The following SLC22A4 variants were observed in gnomAD, a reference collection of about 807,000 sequenced individuals.
SLC22A4 encodes the protein solute carrier family 22 member 4, also known as ET transporter.
SLC22A4 carries 39 observed loss-of-function variants against 56.6 expected under a neutral mutation model. That is an observed-to-expected ratio of 0.69 (90% CI 0.53 to 0.90). SLC22A4 has a LOEUF of 0.90. Among genes scored for constraint, SLC22A4 ranks in the 40% least tolerant of loss-of-function variants. The pLI, the probability that SLC22A4 is intolerant of heterozygous loss-of-function variation, is 0.00. For synonymous variants in SLC22A4, 241 were observed against 281.4 expected (o/e 0.86, Z 1.44); for missense variants, 594 against 696.5 (o/e 0.85, Z 1.66).
rs1478637647 is a variant in SLC22A4 at position 132,331,739 on chromosome 5, CATT to C, written c.952-13_952-11del. On this transcript the variant is annotated splice_polypyrimidine_tract_variant and intron_variant, in intron 5 of 9. Transcript: ENST00000200652. ...TACCTCTTAATCTCATGGTTATTTG[CATT>C]ATTTTGGTTACAGGAGCTAAATCCC... is the stretch of plus-strand genomic sequence containing the variant. 1.8e-5 allele frequency: 28 copies of C among 1,564,306 alleles called. No individual in the cohort carries two copies. The highest frequency in any genetic ancestry group is 2.2e-5 in the Non-Finnish European group (25 of 1,134,708).
chr5:132,337,286 T>A (rs1751054153), intron 8 of SLC22A4, among the ~76,000 whole-genome samples: 1 of 149,252 alleles, frequency 6.7e-6, no homozygotes, highest in Non-Finnish European at 1.5e-5. Flanking sequence ...TTTTTTTTTT[T>A]TTTTTTCTGA....
chr5:132,339,501 C>CACA (rs1554084162), intron 8 of SLC22A4, among the ~76,000 whole-genome samples: 4 of 151,902 alleles, frequency 2.6e-5, no homozygotes, highest in Admixed American at 6.6e-5. Context: ...CACACACACA[C>CACA]ACCTGAAAAC....
chr5:132,316,648 A>G (rs903745597), intron 3 of SLC22A4, among the ~76,000 whole-genome samples: 1 of 152,212 alleles, frequency 6.6e-6, no homozygotes, highest in Non-Finnish European at 1.5e-5. Context: ...GGGCATGCTG[A>G]ACCATTTAAA....
Position 132,295,055 on chromosome 5 carries a change from C to T in SLC22A4, c.393+46C>T, listed in dbSNP as rs780155506. The T allele has an allele frequency of 5.7e-6, 9 of 1,571,472 alleles. No individual in the cohort carries two copies. The Admixed American group carries it at 1.1e-4, about 19-fold the overall frequency. ...GTTGACCCGGGAGTGCCTGACCCTC[C>T]CTCTGCGTCAGCCCCCCTTGAGACT... is the stretch of plus-strand genomic sequence containing the variant. On this transcript the variant is annotated intron_variant, in intron 1 of 9. Coordinates refer to ENST00000200652, the MANE Select transcript of SLC22A4 (RefSeq NM_003059.3).
chr5:132,299,510 A>G (rs537154597), intron 1 of SLC22A4, among the ~76,000 whole-genome samples: 2 of 151,736 alleles, frequency 1.3e-5, no homozygotes, highest in African/African-American at 4.8e-5. Flanking sequence ...GCTCACTGCA[A>G]CCTCTGCCTC....
At chr5:132,308,566 CTG>C (rs1401984891) in intron 1 of SLC22A4, among the ~76,000 whole-genome samples, 3 of 152,102 alleles carry the variant, frequency 2.0e-5, no homozygotes, top group South Asian at 4.2e-4. Flanking sequence ...CACACTGTTA[CTG>C]TCTTTCCCAT....
At chr5:132,305,580 A>C (rs1750008026) in intron 1 of SLC22A4, among the ~76,000 whole-genome samples, 1 of 152,216 alleles carries the variant, frequency 6.6e-6, no homozygotes, top group African/African-American at 2.4e-5. Context: ...AGAGAACTCC[A>C]ATAAGATCAA....
At chr5:132,328,285 TA>T (rs1298758469) in intron 5 of SLC22A4, among the ~76,000 whole-genome samples, 2 of 152,040 alleles carry the variant, frequency 1.3e-5, no homozygotes, top group Admixed American at 1.3e-4. Context: ...TCAGGACACC[TA>T]AAAAAGACTG....
In SLC22A4 at chr5:132,338,672, C is replaced by T. The variant is rs182007228; in HGVS notation, c.1445-1893C>T. On this transcript the variant is annotated intron_variant, in intron 8 of 9. Coordinates refer to ENST00000200652, the MANE Select transcript of SLC22A4 (RefSeq NM_003059.3). ...TTCCTTGCTGAGAAAAAGAATTCAGCGATATTTCTCCCATTTACTTTTGAA... is the reference window on the plus strand; with the variant it reads ...TTCCTTGCTGAGAAAAAGAATTCAGTGATATTTCTCCCATTTACTTTTGAA... 3.4e-3 allele frequency among the ~76,000 whole-genome samples: 517 copies of T among 152,232 alleles called. 4 individuals are homozygous for T. Among genetic ancestry groups the T allele is most frequent in the African/African-American group, 0.012 (485 of 41,550 alleles).
chr5:132,311,110 A>G (rs565479367), intron 1 of SLC22A4, among the ~76,000 whole-genome samples: 1 of 152,196 alleles, frequency 6.6e-6, no homozygotes, highest in East Asian at 1.9e-4. Context: ...TAAATCCACC[A>G]CACTTTCAAG....
At position 132,294,926 on chromosome 5, in the gene SLC22A4, G is replaced by C; in HGVS notation, c.310G>C (p.Asp104His). ...CGGGCTGGAGCCGGGGCGCGACGTG[G>C]ACCTGGGGCAGCTGGAGCAGGAGAG... ...ALGLEPGRDV[D>H]LGQLEQESCL... is the part of the protein sequence containing the mutation. Residue 104 changes from aspartate (D) to histidine (H), a missense_variant, in exon 1 of 10, where the codon GAC (aspartate) becomes CAC (histidine). By Grantham distance (81) the Asp-to-His change is moderately conservative. Transcript: ENST00000200652. The surrounding 1 kb of genome is among the most constrained non-coding windows in gnomAD (Gnocchi z 5.6). The C allele has an allele frequency of 1.3e-6, 2 of 1,599,556 alleles. No homozygotes were observed. The highest frequency in any genetic ancestry group is 2.3e-5 in the East Asian group (1 of 44,206).
Position 132,312,153 on chromosome 5 carries a change from C to G in SLC22A4, c.394-8C>G. 6.3e-7 allele frequency: 1 copy of G among 1,579,588 alleles called. No individual in the cohort carries two copies. The highest frequency in any genetic ancestry group is 8.7e-7 in the Non-Finnish European group (1 of 1,148,446). ...TGGGCTCACGCTTCATGCTGTCTTC[C>G]TTGGCAGTGGAATCTGGTGTGTGAG... On this transcript the variant is annotated splice_region_variant and splice_polypyrimidine_tract_variant and intron_variant, in intron 1 of 9. Coordinates refer to ENST00000200652, the MANE Select transcript of SLC22A4 (RefSeq NM_003059.3).
chr5:132,343,274 T>G (rs113088318), intron 9 of SLC22A4, among the ~76,000 whole-genome samples: 2 of 152,322 alleles, frequency 1.3e-5, no homozygotes, highest in African/African-American at 4.8e-5. Context: ...CACTTAATAT[T>G]CACTAAGCTT....
At chr5:132,321,816 G>C (rs982397278) in intron 3 of SLC22A4, among the ~76,000 whole-genome samples, 2 of 152,132 alleles carry the variant, frequency 1.3e-5, no homozygotes, top group Admixed American at 6.5e-5. Context: ...GCTGAAGTGG[G>C]AAGGTCACTT....
chr5:132,315,434 G>A (rs959482255), intron 3 of SLC22A4, among the ~76,000 whole-genome samples: 9 of 152,182 alleles, frequency 5.9e-5, no homozygotes, highest in Admixed American at 5.2e-4. Flanking sequence ...GGGCAGCACT[G>A]AGATCTGCCT....
At chr5:132,312,076 C>T (rs900155680) in intron 1 of SLC22A4, 85 bp from the exon 2 acceptor site, 2 of 843,936 alleles carry the variant, frequency 2.4e-6, no homozygotes, top group Non-Finnish European at 2.1e-6. Context: ...TGCCCGCCAG[C>T]CGTGCTAATA....
chr5:132,338,917 G>A (rs983365739), intron 8 of SLC22A4, among the ~76,000 whole-genome samples: 8 of 152,164 alleles, frequency 5.3e-5, no homozygotes, highest in South Asian at 2.1e-4. Flanking sequence ...TGAAGATGAC[G>A]GGATTAAGAG....
rs144824408 is a variant in SLC22A4, at chr5:132,295,183, G to T, written c.393+174G>T. 169 of 791,126 alleles carry T rather than the reference G, an allele frequency of 2.1e-4. 2 individuals carry two copies. The African/African-American group carries it at 2.6e-3, about 12-fold the overall frequency. 49.0% of individuals were successfully genotyped at this position (791,126 alleles called of 1,614,324 possible). ...CAAGAAAGAATAGGACTCACGCGAG[G>T]CGCATTCCTGGGTCGTTTCTGTCCA... On this transcript the variant is annotated intron_variant, in intron 1 of 9. Transcript: ENST00000200652.
rs938255394 is a variant in SLC22A4, at chr5:132,322,255, G to A, written c.724G>A (p.Gly242Ser). 1.2e-6 allele frequency: 2 copies of A among 1,613,736 alleles called. No homozygotes were observed. The highest frequency in any genetic ancestry group is 8.5e-7 in the Non-Finnish European group (1 of 1,179,812). ...AGGAGTGTGCACATTTTTTGCAGTTGGCTATATGCTGCTGCCACTGTTTGC... is the reference window on the plus strand; with the variant it reads ...AGGAGTGTGCACATTTTTTGCAGTTAGCTATATGCTGCTGCCACTGTTTGC... Reference protein sequence around the residue: ...TLGVCTFFAVGYMLLPLFAYF... With the variant: ...TLGVCTFFAVSYMLLPLFAYF... The change falls in exon 4 of 10, where the codon GGC becomes AGC. Residue 242 changes from glycine to serine, a missense_variant. By Grantham distance (56) the Gly-to-Ser change is moderately conservative (BLOSUM62 0). Transcript: ENST00000200652.
Sources: allele counts gnomAD v4.1 joint callset (sites outside exome capture counted in the v4.1 genomes callset), GRCh38; gene constraint gnomAD v4.1.1; non-coding constraint Gnocchi (gnomAD v3.1); transcripts MANE v1.5; gene names NCBI Gene and HGNC (gene_info 2026-07-23, HGNC 2026-07-21).